Variants in ZMIZ1 observed in about 807,000 individuals in gnomAD.
ZMIZ1 encodes zinc finger MIZ domain-containing protein 1.
Under a neutral mutation model 113.9 loss-of-function variants are expected in ZMIZ1, and 17 were observed. The ratio of observed to expected loss-of-function variants is 0.15; its 90% confidence interval spans 0.10 to 0.22. The LOEUF is 0.22. ZMIZ1 is among the 10% of genes least tolerant of loss of function. The pLI is 1.00. For synonymous variants in ZMIZ1, 607 were observed against 603.1 expected (o/e 1.01, Z -0.09); for missense variants, 1,059 against 1,477.8 (o/e 0.72, Z 4.65).
intron 4 of ZMIZ1, among the ~76,000 whole-genome samples, chr10:79,189,290 G>T (rs1403545680): frequency 1.3e-5 from 2 of 152,176 alleles, no homozygotes; most frequent in East Asian, 3.9e-4. Flanking sequence ...TGAGCTCATG[G>T]TATGGTTCCC....
At chr10:79,301,356 C>A (rs984260001) in intron 17 of ZMIZ1, among the ~76,000 whole-genome samples, 2 of 152,172 alleles carry the variant, frequency 1.3e-5, no homozygotes, top group Non-Finnish European at 2.9e-5. Context: ...CCAACGCCCC[C>A]AAACCTGGAG....
At chr10:79,091,111 T>C (rs577538431) in intron 1 of ZMIZ1, among the ~76,000 whole-genome samples, 1 of 152,320 alleles carries the variant, frequency 6.6e-6, no homozygotes, top group African/African-American at 2.4e-5. Flanking sequence ...CAGCATCTTC[T>C]AGGGGAGGGT....
intron 6 of ZMIZ1, among the ~76,000 whole-genome samples, chr10:79,208,862 A>T (rs987517220): frequency 6.6e-6 from 1 of 152,218 alleles, no homozygotes; most frequent in Non-Finnish European, 1.5e-5. Context: ...GTAAGCATTG[A>T]TTGAGCCCCT....
intron 7 of ZMIZ1, among the ~76,000 whole-genome samples, chr10:79,254,754 C>T (rs1024206695): frequency 2.6e-5 from 4 of 152,084 alleles, no homozygotes; most frequent in Non-Finnish European, 4.4e-5. Context: ...TGGGCGGGGG[C>T]GTTGGTGGGT....
At chr10:79,249,849 T>A (rs1450207125) in intron 7 of ZMIZ1, among the ~76,000 whole-genome samples, 2 of 152,146 alleles carry the variant, frequency 1.3e-5, no homozygotes, top group Non-Finnish European at 2.9e-5. Flanking sequence ...CCTGCCCAAC[T>A]ACCCGGGGCT....
At chr10:79,094,349 G>A (rs200398287) in intron 1 of ZMIZ1, among the ~76,000 whole-genome samples, 1 of 151,936 alleles carries the variant, frequency 6.6e-6, no homozygotes, top group Non-Finnish European at 1.5e-5. Flanking sequence ...GGAGGGAGCT[G>A]GAGCCAGAGC....
At chr10:79,144,814 A>G (rs991509716) in intron 3 of ZMIZ1, among the ~76,000 whole-genome samples, 4 of 152,076 alleles carry the variant, frequency 2.6e-5, no homozygotes, top group African/African-American at 9.6e-5. Context: ...TTCCCATTTG[A>G]TTTGTCATCT....
chr10:79,290,990 A>G lies in ZMIZ1; in HGVS notation c.572A>G (p.Asn191Ser), dbSNP rs1246321518. 1.2e-5 allele frequency: 20 copies of G among 1,613,948 alleles called. No homozygotes were observed. The highest frequency in any genetic ancestry group is 1.7e-5 in the Non-Finnish European group (20 of 1,180,002). ...GGGAACCCTATGGCCAATGCCAACAACCCCATGAATCCAGGCGGCAACCCC... is the reference window on the plus strand; with the variant it reads ...GGGAACCCTATGGCCAATGCCAACAGCCCCATGAATCCAGGCGGCAACCCC... ...VLGNPMANAN[N>S]PMNPGGNPMA... The change falls in exon 10 of 25, where the codon AAC (asparagine) becomes AGC (serine). Residue 191 changes from asparagine (N) to serine (S), a missense_variant. Physicochemically the swap from Asn to Ser is conservative, Grantham distance 46. Transcript: ENST00000334512.
chr10:79,292,983 G>A (rs1853606564), intron 11 of ZMIZ1: 3 of 442,670 alleles, frequency 6.8e-6, no homozygotes, highest in Non-Finnish European at 1.3e-5. Flanking sequence ...AGGGCTTCCA[G>A]GAAAGGGGCT....
chr10:79,266,592 C>CT (rs1851620534), intron 7 of ZMIZ1, among the ~76,000 whole-genome samples: 1 of 152,120 alleles, frequency 6.6e-6, no homozygotes, highest in Non-Finnish European at 1.5e-5. Context: ...ACACACATGG[C>CT]CCTGAGGCTG....
intron 1 of ZMIZ1, among the ~76,000 whole-genome samples, chr10:79,094,209 G>A (rs923577926): frequency 1.3e-5 from 2 of 152,182 alleles, no homozygotes; most frequent in African/African-American, 2.4e-5. Flanking sequence ...CAAGCGAGCC[G>A]GGTGAGTCCG....
intron 2 of ZMIZ1, among the ~76,000 whole-genome samples, chr10:79,133,644 C>CT (rs1844868351): frequency 6.6e-6 from 1 of 152,182 alleles, no homozygotes; most frequent in Non-Finnish European, 1.5e-5. Context: ...CTTGGTAGTG[C>CT]ATTTTCATAG....
intron 5 of ZMIZ1, 64 bp downstream of exon 5, chr10:79,201,756 A>G: frequency 6.3e-7 from 1 of 1,581,228 alleles, no homozygotes; most frequent in Non-Finnish European, 8.6e-7. Context: ...GCAGCAGGGC[A>G]TCTGGTGGGT....
At chr10:79,275,265 AGT>A (rs1437557541) in intron 7 of ZMIZ1, among the ~76,000 whole-genome samples, 3 of 152,150 alleles carry the variant, frequency 2.0e-5, no homozygotes, top group Admixed American at 6.5e-5. Flanking sequence ...GACAGAGGAG[AGT>A]GTCTCTTCTC....
chr10:79,271,897 C>T (rs748028925), intron 7 of ZMIZ1, among the ~76,000 whole-genome samples: 1 of 152,176 alleles, frequency 6.6e-6, no homozygotes, highest in Non-Finnish European at 1.5e-5. Flanking sequence ...AAGCAGAGCA[C>T]ACACGGCGCT....
At chr10:79,074,913 G>T (rs753802375) in intron 1 of ZMIZ1, among the ~76,000 whole-genome samples, 1 of 152,266 alleles carries the variant, frequency 6.6e-6, no homozygotes, top group Non-Finnish European at 1.5e-5. Flanking sequence ...GGCCCTGCCT[G>T]TCAGGCCCAG....
chr10:79,296,767 G>A lies in ZMIZ1; in HGVS notation c.1413+114G>A. The A allele has an allele frequency of 9.1e-7, 1 of 1,098,314 alleles. No homozygotes were observed. Among genetic ancestry groups the A allele is most frequent in the Non-Finnish European group, 1.3e-6 (1 of 794,792 alleles). The allele number at this position is 1,098,314 out of a possible 1,614,324, so 68.0% of individuals were successfully genotyped here. A position where few individuals can be genotyped will look rare whatever the true frequency, so the allele number is the denominator to read the frequency against. On this transcript the variant is annotated intron_variant, in intron 13 of 24. Transcript: ENST00000334512. This position sits in a 1 kb window ranked among gnomAD's most constrained non-coding sequence, Gnocchi z 4.1. Reference sequence around the variant, plus strand: ...CGTGTGTTTGCCCCAAGGACAGCGAGGGGTGGGTGATTTCTGAACGTCCCC... The same window carrying A: ...CGTGTGTTTGCCCCAAGGACAGCGAAGGGTGGGTGATTTCTGAACGTCCCC...
chr10:79,098,129 G>A (rs1412261213), intron 1 of ZMIZ1, among the ~76,000 whole-genome samples: 1 of 152,218 alleles, frequency 6.6e-6, no homozygotes, highest in Non-Finnish European at 1.5e-5. Flanking sequence ...AGGGTCAGGA[G>A]AAAATGGAAG....
chr10:79,282,420 A>C (rs1852797861), intron 8 of ZMIZ1, among the ~76,000 whole-genome samples: 1 of 152,186 alleles, frequency 6.6e-6, no homozygotes, highest in Admixed American at 6.5e-5. Flanking sequence ...TCTGAGGACG[A>C]ACAAATGGGA....
Sources: gnomAD v4.1 joint callset for allele counts (sites outside exome capture counted in the v4.1 genomes callset) on GRCh38, gnomAD v4.1.1 for gene constraint, Gnocchi (gnomAD v3.1) non-coding constraint, MANE v1.5 for transcripts, NCBI Gene and HGNC (gene_info 2026-07-23, HGNC 2026-07-21) for gene names.